Variants in VAV3 observed in about 807,000 individuals in gnomAD.
The protein encoded by VAV3 is vav guanine nucleotide exchange factor 3.
VAV3 carries 94 observed loss-of-function variants against 131.2 expected under a neutral mutation model. The ratio of observed to expected loss-of-function variants is 0.72; its 90% CI spans 0.61 to 0.85. VAV3 has a LOEUF of 0.85. Ranked by LOEUF, VAV3 falls within the 40% of genes least tolerant of loss-of-function variation. The pLI is 0.00. For synonymous variants in VAV3, 349 were observed against 342.0 expected, an observed-to-expected ratio of 1.02 and a Z score of -0.22; for missense variants, 939 against 1,002.7, an observed-to-expected ratio of 0.94 and a Z score of 0.86.
chr1:107,654,873 C>A lies in VAV3; in HGVS notation c.1778-12118G>T, dbSNP rs538109026. Among the ~76,000 whole-genome samples the A allele has an allele frequency of 2.6e-5, 4 of 151,890 alleles. No homozygotes were observed. The South Asian group carries it at 6.3e-4, about 24-fold the overall frequency. On this transcript the variant is annotated intron_variant, in intron 19 of 26. Coordinates refer to ENST00000370056, the MANE Select transcript of VAV3 (RefSeq NM_006113.5). ...ATATGAAAATAATAATGAAATAGTA[C>A]CTACATTCTAAAAGTATAATAAAAA...
At chr1:107,736,438 C>A (rs138306870) in intron 15 of VAV3, among the ~76,000 whole-genome samples, 4 of 151,990 alleles carry the variant, frequency 2.6e-5, no homozygotes, top group Admixed American at 6.6e-5. Flanking sequence ...GCAGATGACA[C>A]GATTGTATAT....
chr1:107,900,598 C>A (rs1571114885), intron 1 of VAV3, among the ~76,000 whole-genome samples: 1 of 152,178 alleles, frequency 6.6e-6, no homozygotes, highest in East Asian at 1.9e-4. Context: ...TTGATAAGTG[C>A]AGTCCATTTA....
intron 2 of VAV3, among the ~76,000 whole-genome samples, chr1:107,804,038 G>C (rs4396144): frequency 0.15 from 22,967 of 151,852 alleles, 2,011 homozygotes; most frequent in East Asian, 0.29. Context: ...CTAATAATCT[G>C]TTTATCTAAG....
intron 24 of VAV3, among the ~76,000 whole-genome samples, chr1:107,598,939 T>A (rs1651617588): frequency 6.6e-6 from 1 of 152,176 alleles, no homozygotes; most frequent in Non-Finnish European, 1.5e-5. Context: ...TGAAAGGAAT[T>A]ATAAGCCATA....
intron 25 of VAV3, among the ~76,000 whole-genome samples, chr1:107,591,982 A>G (rs866300127): frequency 5.9e-5 from 9 of 152,182 alleles, no homozygotes; most frequent in Middle Eastern, 3.4e-3. Flanking sequence ...CATCTTTTAT[A>G]GCAACATATA....
chr1:107,754,265 T>A (rs913779215), intron 12 of VAV3, among the ~76,000 whole-genome samples: 9 of 152,014 alleles, frequency 5.9e-5, no homozygotes, highest in African/African-American at 2.2e-4. Context: ...AATTGAGAAA[T>A]CCACATTTTG....
chr1:107,712,686 T>C (rs1411138109), intron 15 of VAV3, among the ~76,000 whole-genome samples: 1 of 152,348 alleles, frequency 6.6e-6, no homozygotes, highest in Non-Finnish European at 1.5e-5. Flanking sequence ...AAAAAAAACT[T>C]ATTAATTATC....
At chr1:107,663,096 G>A (rs78925391) in intron 19 of VAV3, among the ~76,000 whole-genome samples, 2,122 of 152,226 alleles carry the variant, frequency 0.014, 55 homozygotes, top group African/African-American at 0.049. Context: ...ACCAAAAAAC[G>A]TATTTAAGAC....
At chr1:107,920,622 C>T (rs1232722027) in intron 1 of VAV3, among the ~76,000 whole-genome samples, 1 of 152,192 alleles carries the variant, frequency 6.6e-6, no homozygotes, top group South Asian at 2.1e-4. Flanking sequence ...AGCTCCCCAC[C>T]TATTCCTTAT....
intron 15 of VAV3, among the ~76,000 whole-genome samples, chr1:107,744,431 G>T (rs997741558): frequency 1.3e-5 from 2 of 151,976 alleles, no homozygotes; most frequent in Admixed American, 6.6e-5. Flanking sequence ...TCAAAAACTG[G>T]GCCAAGGTCG....
At chr1:107,737,270 A>G (rs1192738810) in intron 15 of VAV3, among the ~76,000 whole-genome samples, 7 of 152,218 alleles carry the variant, frequency 4.6e-5, no homozygotes, top group Non-Finnish European at 8.8e-5. Context: ...AAACCTAGGC[A>G]ATACCATTCA....
chr1:107,645,041 T>C (rs1389701277), intron 19 of VAV3, among the ~76,000 whole-genome samples: 1 of 150,806 alleles, frequency 6.6e-6, no homozygotes, highest in Non-Finnish European at 1.5e-5. Context: ...TCCTAAGTTT[T>C]TTATTTACTC....
chr1:107,952,423 C>CGTTTACG, intron 1 of VAV3, among the ~76,000 whole-genome samples: 1 of 145,536 alleles, frequency 6.9e-6, no homozygotes, highest in Non-Finnish European at 1.5e-5. Context: ...ACACGTTTAC[C>CGTTTACG]TATGTAACAA....
At chr1:107,953,776 C>G (rs1048546964) in intron 1 of VAV3, among the ~76,000 whole-genome samples, 1 of 151,958 alleles carries the variant, frequency 6.6e-6, no homozygotes, top group Non-Finnish European at 1.5e-5. Context: ...TTATTCAGAC[C>G]AGCTGTTACA....
At chr1:107,790,679 CTTTTTTTTTTT>C (rs145926469) in intron 2 of VAV3, among the ~76,000 whole-genome samples, 1 of 69,840 alleles carries the variant, frequency 1.4e-5, no homozygotes, top group Admixed American at 1.9e-4. Flanking sequence ...AAATGTCTTC[CTTTTTTTTTTT>C]TTTTTTTTTT....
chr1:107,843,528 T>C (rs1668821935), intron 2 of VAV3, among the ~76,000 whole-genome samples: 1 of 147,518 alleles, frequency 6.8e-6, no homozygotes, highest in Non-Finnish European at 1.5e-5. Flanking sequence ...TGTGTGCGTG[T>C]GTGTGTGTGT....
At chr1:107,682,840 A>G (rs1382175128) in intron 19 of VAV3, among the ~76,000 whole-genome samples, 1 of 152,226 alleles carries the variant, frequency 6.6e-6, no homozygotes, top group African/African-American at 2.4e-5. Flanking sequence ...TACTCACAAC[A>G]AAAGGATCAC....
At chr1:107,857,393 A>T (rs1669525391) in intron 2 of VAV3, among the ~76,000 whole-genome samples, 1 of 152,190 alleles carries the variant, frequency 6.6e-6, no homozygotes, top group Admixed American at 6.6e-5. Flanking sequence ...GGTGTGAATT[A>T]AAACTACCTA....
intron 6 of VAV3, among the ~76,000 whole-genome samples, 186 bp from the exon 7 acceptor site, chr1:107,768,695 A>G (rs1238964119): frequency 2.0e-5 from 3 of 152,248 alleles, no homozygotes; most frequent in Non-Finnish European, 4.4e-5. Flanking sequence ...ATATAAAAAC[A>G]TAAATACGAG....
Sources: gnomAD v4.1 joint callset for allele counts (sites outside exome capture counted in the v4.1 genomes callset) on GRCh38, gnomAD v4.1.1 for gene constraint, MANE v1.5 for transcripts, NCBI Gene and HGNC (gene_info 2026-07-23, HGNC 2026-07-21) for gene names.